Variants in LAMB1 observed in about 807,000 individuals in gnomAD.
LAMB1 encodes laminin subunit beta-1.
LAMB1 carries 121 observed loss-of-function variants against 222.3 expected under a neutral mutation model. That is an observed-to-expected ratio of 0.54 (90% CI 0.47 to 0.63). The LOEUF is 0.63. Among genes scored for constraint, LAMB1 ranks in the 30% least tolerant of loss-of-function variants. The pLI, the probability that LAMB1 is intolerant of heterozygous loss-of-function variation, is 0.00. For synonymous variants in LAMB1, 794 were observed against 807.2 expected, an observed-to-expected ratio of 0.98 and a Z score of 0.28; for missense variants, 2,172 against 2,240.8, an observed-to-expected ratio of 0.97 and a Z score of 0.62.
intron 9 of LAMB1, among the ~76,000 whole-genome samples, chr7:107,976,817 CTT>C (rs1035992660): frequency 6.6e-6 from 1 of 152,012 alleles, no homozygotes; most frequent in Non-Finnish European, 1.5e-5. Flanking sequence ...TCCTTCCTCT[CTT>C]TTCCTTTTCT....
At chr7:108,002,253 G>T (rs1365996248) in intron 2 of LAMB1, 4 of 1,313,240 alleles carry the variant, frequency 3.0e-6, no homozygotes, top group Non-Finnish European at 4.0e-6. Context: ...CCGGCGCTTC[G>T]CTGGGGACGA....
intron 14 of LAMB1, 109 bp downstream of exon 14, chr7:107,964,443 C>T: frequency 7.6e-7 from 1 of 1,309,876 alleles, no homozygotes; most frequent in South Asian, 1.3e-5. Context: ...TTTGTGCTCA[C>T]TGACAAAGCT....
At chr7:107,934,052 G>C (rs1461253602) in intron 27 of LAMB1, among the ~76,000 whole-genome samples, 1 of 152,048 alleles carries the variant, frequency 6.6e-6, no homozygotes, top group Non-Finnish European at 1.5e-5. Context: ...GGAGAGAATT[G>C]GCATTTCATG....
Position 107,966,501 on chromosome 7 carries a change from G to A in LAMB1, c.1563-1814C>T, listed in dbSNP as rs192125169. ...TGGGATTACAGGTGTAAGCCACCAC[G>A]CCCAGCCAGGAATAGGAATTCTTAA... On this transcript the variant is annotated intron_variant, in intron 13 of 33. Transcript: ENST00000222399. Among the ~76,000 whole-genome samples the A allele has an allele frequency of 4.8e-3, 731 of 152,170 alleles. 3 individuals carry two copies. Among genetic ancestry groups the A allele is most frequent in the South Asian group, 0.018 (85 of 4,810 alleles).
At position 107,950,955 on chromosome 7, in the gene LAMB1, T is replaced by TGC. The variant is rs2033231797; in HGVS notation, c.3391+270_3391+271insGC. 8.1e-6 allele frequency: 3 copies of TGC among 368,294 alleles called. No homozygotes were observed. In the East Asian group the frequency reaches 1.8e-4, roughly 22 times the overall value. The allele number at this position is 368,294 out of a possible 1,614,324, so 22.8% of individuals were successfully genotyped here. The stretch of plus-strand genomic sequence containing the variant: ...GTGTGTGTGTGTGTGTGTGTGTGTG[T>TGC]GTGTGTGCTTACACACAGAAACAAA... On this transcript the variant is annotated intron_variant, in intron 24 of 33. Transcript: ENST00000222399.
At chr7:107,934,178 A>G (rs1395566926) in intron 27 of LAMB1, among the ~76,000 whole-genome samples, 1 of 152,038 alleles carries the variant, frequency 6.6e-6, no homozygotes, top group Non-Finnish European at 1.5e-5. Flanking sequence ...TTTGCTCCCT[A>G]TTTGCTATAA....
At position 107,953,200 on chromosome 7, in the gene LAMB1, T is replaced by C. The variant is rs145386687; in HGVS notation, c.3079+330A>G. Among the ~76,000 whole-genome samples the C allele has an allele frequency of 0.012, 1,807 of 151,958 alleles. 35 individuals are homozygous for C. Among genetic ancestry groups the C allele is most frequent in the African/African-American group, 0.041 (1,718 of 41,418 alleles). On this transcript the variant is annotated intron_variant, in intron 22 of 33. Coordinates refer to ENST00000222399, the MANE Select transcript of LAMB1 (RefSeq NM_002291.3). ...GGTGAAACCCCGTCTCTATTAAAAATACAAAAATTACCTGGGCATGGTGGG... is the reference window on the plus strand; with the variant it reads ...GGTGAAACCCCGTCTCTATTAAAAACACAAAAATTACCTGGGCATGGTGGG...
In LAMB1 at chr7:107,951,993, A is replaced by C; in HGVS notation, c.3294+16T>G. On this transcript the variant is annotated intron_variant, in intron 23 of 33. Coordinates refer to ENST00000222399, the MANE Select transcript of LAMB1 (RefSeq NM_002291.3). Reference sequence around the variant, plus strand: ...CTGAGCTCATAAAGGCATCATCCCCAGCAGCAGCCCCTCACCTCATTGCAA... The same window carrying C: ...CTGAGCTCATAAAGGCATCATCCCCCGCAGCAGCCCCTCACCTCATTGCAA... 6.3e-7 allele frequency: 1 copy of C among 1,596,940 alleles called. No individual in the cohort carries two copies. The highest frequency in any genetic ancestry group is 8.6e-7 in the Non-Finnish European group (1 of 1,168,198).
chr7:107,940,547 C>T (rs1229972811), intron 24 of LAMB1, 189 bp from the exon 25 acceptor site: 2 of 599,306 alleles, frequency 3.3e-6, no homozygotes, highest in Admixed American at 5.9e-5. Flanking sequence ...TGGTTGCTAA[C>T]CCCTTCTTAG....
chr7:108,001,978 C>A (rs2034396837), intron 2 of LAMB1: 1 of 1,445,322 alleles, frequency 6.9e-7, no homozygotes, highest in East Asian at 2.5e-5. Flanking sequence ...GCAGCGAGAG[C>A]CTCCCTCCCG....
intron 3 of LAMB1, among the ~76,000 whole-genome samples, chr7:108,000,856 TAAAAATGAAGG>T (rs1208219262): frequency 1.3e-4 from 20 of 152,256 alleles, no homozygotes; most frequent in Non-Finnish European, 2.2e-4. Context: ...GCCTCCTTTT[TAAAAATGAAGG>T]AAAAGTATTC....
chr7:107,967,346 C>T (rs1475509413), intron 13 of LAMB1, among the ~76,000 whole-genome samples: 1 of 152,230 alleles, frequency 6.6e-6, no homozygotes, highest in Non-Finnish European at 1.5e-5. Context: ...ATACCTGTTA[C>T]TCTAACAATC....
Position 107,953,754 on chromosome 7 carries a change from C to A in LAMB1, c.2855G>T (p.Gly952Val). The change falls in exon 22 of 34, where the codon GGT becomes GTT. Residue 952 changes from glycine (G) to valine (V), a missense_variant and splice_region_variant. By Grantham distance (109) the Gly-to-Val change is moderately radical. Transcript: ENST00000222399. The part of the protein sequence containing the change: ...LACVCDPGYI[G>V]SRCDDCASGY... ...TGAGGCACAGTCGTCACATCTGGAA[C>A]CTGTCACCCGATAAAACCAAACACA... 1 of 1,613,868 alleles carries A rather than the reference C, an allele frequency of 6.2e-7. No individual in the cohort carries two copies. The highest frequency in any genetic ancestry group is 1.1e-5 in the South Asian group (1 of 91,068).
chr7:107,978,882 C>T (rs1044603687), intron 8 of LAMB1, among the ~76,000 whole-genome samples: 7 of 152,154 alleles, frequency 4.6e-5, no homozygotes, highest in East Asian at 3.8e-4. Context: ...AAATGAATTA[C>T]GGCCTTTTGG....
At chr7:107,982,237 A>G (rs2033986353) in intron 7 of LAMB1, among the ~76,000 whole-genome samples, 1 of 152,234 alleles carries the variant, frequency 6.6e-6, no homozygotes, top group Non-Finnish European at 1.5e-5. Context: ...CTGGATCCCC[A>G]GAGATTGATT....
At chr7:107,944,815 A>G (rs910476423) in intron 24 of LAMB1, among the ~76,000 whole-genome samples, 3 of 152,246 alleles carry the variant, frequency 2.0e-5, no homozygotes, top group African/African-American at 7.2e-5. Flanking sequence ...ACACTAATGT[A>G]TGGAGGAGAT....
chr7:107,959,983 G>A (rs543371671), intron 18 of LAMB1, 149 bp from the exon 19 acceptor site: 2 of 1,161,770 alleles, frequency 1.7e-6, no homozygotes, highest in Admixed American at 2.8e-5. Context: ...GAAGAAAGGG[G>A]AGGCAGAGTT....
intron 25 of LAMB1, 51 bp downstream of exon 25, chr7:107,939,938 C>T (rs2116352289): frequency 6.4e-7 from 1 of 1,570,426 alleles, no homozygotes; most frequent in Non-Finnish European, 8.7e-7. Flanking sequence ...TGTTAACTCA[C>T]AATATTTTTT....
rs57060477 is a variant in LAMB1 at position 107,950,923 on chromosome 7, G to GGTGTGTGTGT, written c.3391+293_3391+302dup. The stretch of plus-strand genomic sequence containing the variant: ...AAAAAGCAGCTCTGTGTGTATTTGT[G>GGTGTGTGTGT]GTGTGTGTGTGTGTGTGTGTGTGTG... On this transcript the variant is annotated intron_variant, in intron 24 of 33. Coordinates refer to ENST00000222399, the MANE Select transcript of LAMB1 (RefSeq NM_002291.3). Among the ~76,000 whole-genome samples the GGTGTGTGTGT allele has an allele frequency of 2.5e-3, 370 of 147,852 alleles. 1 individual carries two copies. Among genetic ancestry groups the GGTGTGTGTGT allele is most frequent in the Non-Finnish European group, 3.5e-3 (236 of 67,004 alleles).
Sources: allele counts gnomAD v4.1 joint callset (sites outside exome capture counted in the v4.1 genomes callset), GRCh38; gene constraint gnomAD v4.1.1; transcripts MANE v1.5; gene names NCBI Gene and HGNC (gene_info 2026-07-23, HGNC 2026-07-21).